HNRNPLL: variants seen among roughly 807,000 people sequenced by gnomAD.
The protein encoded by HNRNPLL is heterogeneous nuclear ribonucleoprotein L like.
Under a neutral mutation model 67.1 loss-of-function variants are expected in HNRNPLL, and 25 were observed. The ratio of observed to expected loss-of-function variants is 0.37; its 90% CI spans 0.27 to 0.52. HNRNPLL has a LOEUF of 0.52. Ranked by LOEUF, HNRNPLL falls within the 20% of genes least tolerant of loss-of-function variation. The pLI, the probability that HNRNPLL is intolerant of heterozygous loss-of-function variation, is 0.90. For synonymous variants in HNRNPLL, 267 were observed against 241.7 expected, an observed-to-expected ratio of 1.10 and a Z score of -0.97; for missense variants, 542 against 673.9, an observed-to-expected ratio of 0.80 and a Z score of 2.17.
chr2:38,599,070 T>A (rs1044627237), intron 1 of HNRNPLL, among the ~76,000 whole-genome samples: 5 of 152,268 alleles, frequency 3.3e-5, no homozygotes, highest in Admixed American at 2.6e-4. Flanking sequence ...AATATTGCTA[T>A]CATTAGTAAT....
intron 7 of HNRNPLL, among the ~76,000 whole-genome samples, chr2:38,576,361 T>C (rs1035399093): frequency 4.0e-5 from 6 of 151,812 alleles, no homozygotes; most frequent in Non-Finnish European, 8.9e-5. Flanking sequence ...GGATCAGAAC[T>C]ACCCATACAA....
chr2:38,568,156 C>A, intron 12 of HNRNPLL, 43 bp downstream of exon 12: 1 of 1,167,104 alleles, frequency 8.6e-7, no homozygotes, highest in African/African-American at 1.5e-5. Context: ...GTGATGGTAA[C>A]TGCCACTACA....
In HNRNPLL at chr2:38,569,310, A is replaced by T. The variant is rs532825336; in HGVS notation, c.1239T>A (p.Val413=). The T allele has an allele frequency of 6.2e-7, 1 of 1,612,394 alleles. No homozygotes were observed. Among genetic ancestry groups the T allele is most frequent in the Non-Finnish European group, 8.5e-7 (1 of 1,179,088 alleles). Reference sequence around the variant, plus strand: ...CCTCCAGCTCAAATATTTGACTTGGAACAACTGAATGTTGTTTAGACACGC... The same window carrying T: ...CCTCCAGCTCAAATATTTGACTTGGTACAACTGAATGTTGTTTAGACACGC... ...NVCVSKQHSV[V]PSQIFELEDG... is the part of the protein sequence containing the mutation. Residue 413 remains valine (V), a synonymous_variant, in exon 10 of 13, where the codon GTT becomes GTA. Coordinates refer to ENST00000449105, the MANE Select transcript of HNRNPLL (RefSeq NM_138394.4).
intron 9 of HNRNPLL, 100 bp from the exon 10 acceptor site, chr2:38,569,434 C>A (rs1335221446): frequency 5.2e-6 from 4 of 773,042 alleles, no homozygotes; most frequent in South Asian, 5.2e-5. Context: ...TAAATCTTAA[C>A]CAAAAAAAGG....
At chr2:38,585,172 A>G (rs1168575873) in intron 3 of HNRNPLL, among the ~76,000 whole-genome samples, 6 of 152,222 alleles carry the variant, frequency 3.9e-5, no homozygotes, top group East Asian at 3.8e-4. Context: ...ACTTCTACCA[A>G]TAACACTTTT....
intron 7 of HNRNPLL, among the ~76,000 whole-genome samples, chr2:38,577,068 T>C (rs527408370): frequency 6.6e-5 from 10 of 152,004 alleles, no homozygotes; most frequent in African/African-American, 2.4e-4. Context: ...TTTTGACAAA[T>C]ACCCTATTCT....
At chr2:38,579,863 T>A (rs898200125) in intron 6 of HNRNPLL, among the ~76,000 whole-genome samples, 20 of 152,126 alleles carry the variant, frequency 1.3e-4, no homozygotes, top group Non-Finnish European at 2.6e-4. Flanking sequence ...AAACATAAAC[T>A]GTTATGGTCT....
chr2:38,574,243 G>T (rs987039960), intron 7 of HNRNPLL, among the ~76,000 whole-genome samples: 3 of 151,768 alleles, frequency 2.0e-5, no homozygotes, highest in African/African-American at 7.2e-5. Context: ...AGAATGAAAA[G>T]AAATGAGGGT....
At chr2:38,583,522 G>A (rs1666617314) in intron 4 of HNRNPLL, among the ~76,000 whole-genome samples, 1 of 151,966 alleles carries the variant, frequency 6.6e-6, no homozygotes, top group Non-Finnish European at 1.5e-5. Context: ...CTAAAGTTTT[G>A]GTACTTCCAA....
chr2:38,589,194 T>C (rs1666863354), intron 2 of HNRNPLL, among the ~76,000 whole-genome samples: 1 of 152,212 alleles, frequency 6.6e-6, no homozygotes, highest in Admixed American at 6.5e-5. Context: ...AGCAATTTTA[T>C]CCTGACACAA....
intron 6 of HNRNPLL, among the ~76,000 whole-genome samples, chr2:38,580,888 GAC>G (rs1666501434): frequency 6.6e-6 from 1 of 152,114 alleles, no homozygotes; most frequent in African/African-American, 2.4e-5. Context: ...TACACAAATT[GAC>G]AGTGATAACC....
intron 6 of HNRNPLL, chr2:38,581,700 T>A (rs914519624): frequency 1.4e-5 from 8 of 555,330 alleles, no homozygotes; most frequent in Non-Finnish European, 2.5e-5. Flanking sequence ...GTGGGCTCCT[T>A]GTTGAACTAA....
chr2:38,568,353 C>G (rs1182695637), intron 11 of HNRNPLL, 33 bp downstream of exon 11: 2 of 1,605,494 alleles, frequency 1.2e-6, no homozygotes, highest in African/African-American at 1.3e-5. Flanking sequence ...CCAACTTAAC[C>G]AGAAAGCTTT....
At chr2:38,578,569 C>G (rs2148353260) in intron 6 of HNRNPLL, among the ~76,000 whole-genome samples, 1 of 152,122 alleles carries the variant, frequency 6.6e-6, no homozygotes, top group Admixed American at 6.6e-5. Context: ...TCACTTCAGT[C>G]TAGAGAAGTA....
rs1666959207 is a variant in HNRNPLL at position 38,591,589 on chromosome 2, G to A, written c.249C>T (p.Leu83=). The part of the protein sequence containing the change: ...SVSPVVHVRG[L]CESVVEADLV... Reference sequence around the variant, plus strand: ...GGTCTGCTTCCACCACAGATTCACAGAGTCCTCGAACATGGACGACGGGTG... The same window carrying A: ...GGTCTGCTTCCACCACAGATTCACAAAGTCCTCGAACATGGACGACGGGTG... The change falls in exon 2 of 13, where the codon CTC becomes CTT. Residue 83 remains leucine, a synonymous_variant. Coordinates refer to ENST00000449105, the MANE Select transcript of HNRNPLL (RefSeq NM_138394.4). 1 of 1,613,914 alleles carries A rather than the reference G, an allele frequency of 6.2e-7. No individual in the cohort carries two copies. The highest frequency in any genetic ancestry group is 1.7e-5 in the Admixed American group (1 of 60,018).
At chr2:38,568,347 C>T (rs755112185) in intron 11 of HNRNPLL, 39 bp downstream of exon 11, 2 of 1,605,180 alleles carry the variant, frequency 1.2e-6, no homozygotes, top group Non-Finnish European at 1.7e-6. Flanking sequence ...TTATCACCAA[C>T]TTAACCAGAA....
At chr2:38,595,730 G>A (rs1454406524) in intron 1 of HNRNPLL, among the ~76,000 whole-genome samples, 1 of 152,158 alleles carries the variant, frequency 6.6e-6, no homozygotes, top group South Asian at 2.1e-4. Flanking sequence ...TGTAGTCCCA[G>A]CTACTTGGAA....
At chr2:38,596,499 C>G (rs555934961) in intron 1 of HNRNPLL, among the ~76,000 whole-genome samples, 4 of 152,202 alleles carry the variant, frequency 2.6e-5, no homozygotes, top group African/African-American at 9.6e-5. Context: ...CTCAAGTGAT[C>G]CACCTGCCTC....
chr2:38,591,977 AAAAAAAC>A (rs1342502052), intron 1 of HNRNPLL, among the ~76,000 whole-genome samples: 1 of 152,162 alleles, frequency 6.6e-6, no homozygotes, highest in Non-Finnish European at 1.5e-5. Context: ...CTCCATCTCA[AAAAAAAC>A]AAAAAAAATT....
Sources: gnomAD v4.1 joint callset for allele counts (sites outside exome capture counted in the v4.1 genomes callset) on GRCh38, gnomAD v4.1.1 for gene constraint, MANE v1.5 for transcripts, NCBI Gene and HGNC (gene_info 2026-07-23, HGNC 2026-07-21) for gene names.